PROM1: variants seen among roughly 807,000 people sequenced by gnomAD.
The protein encoded by PROM1 is prominin-1.
Under a neutral mutation model 116.9 loss-of-function variants are expected in PROM1, and 105 were observed. The observed-to-expected ratio is 0.90, with a 90% CI of 0.77 to 1.06. PROM1 has a LOEUF of 1.06. Ranked by LOEUF, PROM1 falls within the 50% of genes least tolerant of loss-of-function variation. The probability of loss-of-function intolerance (pLI) is 0.00; values close to 1 mark genes in which losing one functional copy is unlikely to be tolerated. For synonymous variants in PROM1, 393 were observed against 387.0 expected (o/e 1.02, Z -0.18); for missense variants, 1,122 against 1,045.2 (o/e 1.07, Z -1.01).
chr4:16,004,905 C>CTCCCTT (rs1724934608), intron 13 of PROM1, among the ~76,000 whole-genome samples: 5 of 114,410 alleles, frequency 4.4e-5, no homozygotes, highest in African/African-American at 1.7e-4. Flanking sequence ...CTCTCTCTCT[C>CTCCCTT]CCTTCCTTCC....
chr4:15,998,768 C>T (rs917789287), intron 14 of PROM1, among the ~76,000 whole-genome samples: 15 of 151,698 alleles, frequency 9.9e-5, no homozygotes, highest in African/African-American at 2.2e-4. Context: ...CAGGCTGGAG[C>T]GCAGTGGCGC....
intron 3 of PROM1, among the ~76,000 whole-genome samples, chr4:16,037,345 G>T (rs912795460): frequency 1.3e-5 from 2 of 152,136 alleles, no homozygotes; most frequent in African/African-American, 4.8e-5. Flanking sequence ...TGCTTTCCAC[G>T]GTGCTGGGGA....
Position 15,991,222 on chromosome 4 carries a change from C to G in PROM1, c.1983G>C (p.Leu661Phe), listed in dbSNP as rs746636053. The G allele has an allele frequency of 2.5e-6, 4 of 1,606,278 alleles. No homozygotes were observed. Among genetic ancestry groups the G allele is most frequent in the Non-Finnish European group, 2.5e-6 (3 of 1,176,652 alleles). ...ATTTAACCGGACGATTTGAACTCACCAAACTGTTTGCTTTTGCTTCTAGAT... is the reference window on the plus strand; with the variant it reads ...ATTTAACCGGACGATTTGAACTCACGAAACTGTTTGCTTTTGCTTCTAGAT... ...AYDLEAKANS[L>F]PPGNLRNSLK... The change falls in exon 18 of 28, where the codon TTG (leucine) becomes TTC (phenylalanine). Residue 661 changes from leucine (L) to phenylalanine (F), a missense_variant and splice_region_variant. Physicochemically the swap from Leu to Phe is conservative, Grantham distance 22. Transcript: ENST00000447510.
chr4:15,971,196 A>G (rs1714463269), intron 26 of PROM1, 114 bp from the exon 27 acceptor site: 1 of 778,692 alleles, frequency 1.3e-6, no homozygotes, highest in Non-Finnish European at 2.0e-6. Context: ...AATATAAACC[A>G]CACCTCATAA....
chr4:15,970,581 C>A (rs947548367), intron 27 of PROM1, among the ~76,000 whole-genome samples: 12 of 151,776 alleles, frequency 7.9e-5, no homozygotes, highest in Admixed American at 2.6e-4. Context: ...TAAATACACA[C>A]ACATTTATAT....
intron 15 of PROM1, among the ~76,000 whole-genome samples, 198 bp downstream of exon 15, chr4:15,998,187 C>G (rs976195037): frequency 2.6e-5 from 4 of 152,166 alleles, no homozygotes; most frequent in Non-Finnish European, 4.4e-5. Context: ...CATCACCATT[C>G]CAAGGTCTCA....
At chr4:16,082,894 C>T (rs1250709823) in intron 1 of PROM1, among the ~76,000 whole-genome samples, 1 of 152,066 alleles carries the variant, frequency 6.6e-6, no homozygotes, top group South Asian at 2.1e-4. Flanking sequence ...TGTCCACGCT[C>T]CTCTTTGTTG....
intron 2 of PROM1, among the ~76,000 whole-genome samples, chr4:16,042,220 T>C (rs946714961): frequency 6.6e-6 from 1 of 152,224 alleles, no homozygotes; most frequent in Non-Finnish European, 1.5e-5. Context: ...AATCAGAATT[T>C]TGCAAAGTGC....
At chr4:16,049,930 C>A (rs1293267129) in intron 2 of PROM1, among the ~76,000 whole-genome samples, 2 of 152,014 alleles carry the variant, frequency 1.3e-5, no homozygotes, top group Non-Finnish European at 2.9e-5. Context: ...TGTAAAGCAT[C>A]CATTATTTCA....
At chr4:16,049,674 AG>A (rs1288665569) in intron 2 of PROM1, among the ~76,000 whole-genome samples, 1 of 151,988 alleles carries the variant, frequency 6.6e-6, no homozygotes, top group Non-Finnish European at 1.5e-5. Context: ...ACCAACTACC[AG>A]TCATAATTGT....
chr4:15,982,131 C>A (rs1418679596), intron 23 of PROM1, among the ~76,000 whole-genome samples: 1 of 152,244 alleles, frequency 6.6e-6, no homozygotes, highest in Non-Finnish European at 1.5e-5. Context: ...CTACAACCTG[C>A]CAACTTCCTA....
At position 15,985,945 on chromosome 4, in the gene PROM1, A is replaced by G. The variant is rs1719280713; in HGVS notation, c.2211+12T>C. 1 of 954,502 alleles carries G rather than the reference A, an allele frequency of 1.0e-6. No individual in the cohort carries two copies. The highest frequency in any genetic ancestry group is 1.3e-6 in the Non-Finnish European group (1 of 782,170). The allele number at this position is 954,502 out of a possible 1,614,324, so 59.1% of individuals were successfully genotyped here. A position where few individuals can be genotyped will look rare whatever the true frequency, so the allele number is the denominator to read the frequency against. Reference sequence around the variant, plus strand: ...ACTTATGGACACGCTTACTTTAAAAAAGAAGGCTCACCTCAATAATAACAG... The same window carrying G: ...ACTTATGGACACGCTTACTTTAAAAGAGAAGGCTCACCTCAATAATAACAG... On this transcript the variant is annotated intron_variant, in intron 21 of 27. Transcript: ENST00000447510.
chr4:15,990,355 CG>C (rs934464429), intron 18 of PROM1, among the ~76,000 whole-genome samples: 5 of 152,236 alleles, frequency 3.3e-5, no homozygotes, highest in South Asian at 2.1e-4. Context: ...GCTTCTTGGA[CG>C]GGGCCAGTTA....
chr4:16,038,843 T>C, intron 3 of PROM1, 103 bp downstream of exon 3: 1 of 1,156,658 alleles, frequency 8.6e-7, no homozygotes, highest in Non-Finnish European at 1.2e-6. Context: ...ATTACTAAAA[T>C]TGCAGATTGA....
chr4:15,997,291 A>ATG (rs1187154076), intron 15 of PROM1, among the ~76,000 whole-genome samples: 4 of 115,232 alleles, frequency 3.5e-5, no homozygotes, highest in Non-Finnish European at 7.1e-5. Flanking sequence ...TCATATATAT[A>ATG]TATATATGAA....
chr4:16,018,662 C>T, intron 8 of PROM1, 122 bp from the exon 9 acceptor site: 1 of 793,188 alleles, frequency 1.3e-6, no homozygotes. Flanking sequence ...GAGGGACACA[C>T]TGCAAGGGGC....
rs537301292 is a variant in PROM1, at chr4:15,984,342, A to G, written c.2294T>C (p.Val765Ala). 3.8e-6 allele frequency: 6 copies of G among 1,593,366 alleles called. No homozygotes were observed. The Admixed American group carries it at 8.6e-5, about 23-fold the overall frequency. ...QWIEFSISEK[V>A]ASCKPVATAL... ...GGTGGCCACAGGTTTGCACGATGCC[A>G]CTTTCTCACTGATCTAGGGGGGTGG... The change falls in exon 23 of 28, where the codon GTG becomes GCG. Residue 765 changes from valine (V) to alanine (A), a missense_variant. Val to Ala is a moderately conservative substitution (Grantham distance 64). Transcript: ENST00000447510.
chr4:16,011,577 C>T (rs1397002317), intron 11 of PROM1, among the ~76,000 whole-genome samples: 4 of 152,200 alleles, frequency 2.6e-5, no homozygotes, highest in African/African-American at 7.2e-5. Context: ...CTGTGTCAGA[C>T]TTACAAGGAA....
intron 7 of PROM1, 78 bp downstream of exon 7, chr4:16,024,217 C>A (rs1338916643): frequency 1.5e-6 from 2 of 1,298,730 alleles, no homozygotes; most frequent in East Asian, 4.8e-5. Flanking sequence ...TCACGTACGT[C>A]ATTTCTTAGT....
Sources: allele counts gnomAD v4.1 joint callset (sites outside exome capture counted in the v4.1 genomes callset), GRCh38; gene constraint gnomAD v4.1.1; transcripts MANE v1.5; gene names NCBI Gene and HGNC (gene_info 2026-07-23, HGNC 2026-07-21).